DMD: variants seen among roughly 807,000 people sequenced by gnomAD.
DMD encodes the protein dystrophin, also known as mutant dystrophin.
Under a neutral mutation model 330.1 loss-of-function variants are expected in DMD, and 63 were observed. The ratio of observed to expected loss-of-function variants is 0.19; its 90% CI spans 0.16 to 0.24. DMD has a LOEUF of 0.24. Among genes scored for constraint, DMD ranks in the 10% least tolerant of loss-of-function variants. The pLI is 1.00. For synonymous variants in DMD, 1,223 were observed against 959.8 expected (o/e 1.27, Z -5.07); for missense variants, 3,344 against 2,684.1 (o/e 1.25, Z -5.43).
At chrX:32,146,059 G>A in intron 44 of DMD, among the ~76,000 whole-genome samples, 1 of 111,316 alleles carries the variant, frequency 9.0e-6, no homozygotes, top group East Asian at 2.8e-4. Flanking sequence ...AGTTTTATAG[G>A]GCTGCCATGT....
rs748896165 is a variant in DMD, at chrX:32,860,013, C to T, written c.94-10193G>A. 3.6e-5 allele frequency among the ~76,000 whole-genome samples: 4 copies of T among 111,550 alleles called. No individual in the cohort carries two copies. The South Asian group carries it at 1.5e-3, about 42-fold the overall frequency. ...GATATTACTCAGTTTAATGTATCTG[C>T]ATATATATTGTCTTTGTTAACCCAA... On this transcript the variant is annotated intron_variant, in intron 2 of 78. Transcript: ENST00000357033.
chrX:32,548,423 TATA>T (rs754773957), intron 16 of DMD, among the ~76,000 whole-genome samples: 49 of 112,159 alleles, frequency 4.4e-4, no homozygotes, highest in African/African-American at 1.5e-3. Context: ...GAAGGCTAGA[TATA>T]ATATTTATCC....
chrX:32,287,697 A>G lies in DMD; in HGVS notation c.6122T>C (p.Ile2041Thr), dbSNP rs749441036. 25 of 1,171,064 alleles carry G rather than the reference A, an allele frequency of 2.1e-5. No homozygotes were observed. The East Asian group carries it at 7.7e-4, about 36-fold the overall frequency. ...TGAGCTTTGTTGTAGACTATCTTTT[A>G]TATTCTGTAATATAAAAATTTTAAA... The part of the protein sequence containing the change: ...LFKQEESLKN[I>T]KDSLQQSSGR... The change falls in exon 43 of 79, where the codon ATA becomes ACA. Residue 2041 changes from isoleucine (I) to threonine (T), a missense_variant. Transcript: ENST00000357033.
chrX:33,238,625 A>G (rs1024266726), intron 1 of DMD, among the ~76,000 whole-genome samples: 7 of 111,685 alleles, frequency 6.3e-5, no homozygotes, highest in African/African-American at 2.0e-4. Flanking sequence ...TGAATAAACC[A>G]TTAACACAGT....
At chrX:32,784,428 G>A (rs1041367896) in intron 7 of DMD, among the ~76,000 whole-genome samples, 24 of 111,822 alleles carry the variant, frequency 2.1e-4, no homozygotes, top group Middle Eastern at 4.2e-3. Flanking sequence ...AATGACTTTT[G>A]CTTATGTTAG....
At chrX:31,804,374 T>C (rs2092215502) in intron 50 of DMD, among the ~76,000 whole-genome samples, 1 of 111,696 alleles carries the variant, frequency 9.0e-6, no homozygotes, top group South Asian at 3.7e-4. Flanking sequence ...CTGTCTACTT[T>C]GTCTCCATTC....
At chrX:32,440,178 T>C (rs1233590416) in intron 28 of DMD, among the ~76,000 whole-genome samples, 1 of 111,794 alleles carries the variant, frequency 8.9e-6, no homozygotes, top group Non-Finnish European at 1.9e-5. Flanking sequence ...CTGCAACTTT[T>C]CTAGAACATG....
intron 9 of DMD, among the ~76,000 whole-genome samples, chrX:32,690,225 A>G (rs1354805822): frequency 9.0e-6 from 1 of 111,556 alleles, no homozygotes; most frequent in Middle Eastern, 4.3e-3. Flanking sequence ...AAATCATCAT[A>G]CAAAAATTAG....
chrX:31,971,193 C>T (rs2095396013), intron 44 of DMD, among the ~76,000 whole-genome samples: 1 of 111,683 alleles, frequency 9.0e-6, no homozygotes, highest in Non-Finnish European at 1.9e-5. Flanking sequence ...GGAGTAAATG[C>T]CTTTTGAGTC....
chrX:32,398,835 T>G, intron 30 of DMD, among the ~76,000 whole-genome samples: 1 of 111,679 alleles, frequency 9.0e-6, no homozygotes, highest in Non-Finnish European at 1.9e-5. Context: ...TACCTAACTT[T>G]AAATTATACT....
chrX:31,811,885 T>C (rs1336419047), intron 50 of DMD, among the ~76,000 whole-genome samples: 2 of 111,402 alleles, frequency 1.8e-5, no homozygotes, highest in Admixed American at 1.9e-4. Context: ...CCTGCCATGT[T>C]TCTATTAATG....
chrX:32,443,236 A>G (rs760167388), intron 27 of DMD, among the ~76,000 whole-genome samples: 1 of 111,150 alleles, frequency 9.0e-6, no homozygotes, highest in East Asian at 2.8e-4. Flanking sequence ...AGATTTCCCA[A>G]AGTTCTCTAT....
chrX:32,368,651 T>C (rs1348895177), intron 34 of DMD, among the ~76,000 whole-genome samples: 1 of 111,715 alleles, frequency 9.0e-6, no homozygotes, highest in Non-Finnish European at 1.9e-5. Context: ...ATTGTCTTTA[T>C]ACCTGTACTC....
At chrX:31,421,186 C>T (rs1006170937) in intron 60 of DMD, among the ~76,000 whole-genome samples, 5 of 111,915 alleles carry the variant, frequency 4.5e-5, no homozygotes, top group Non-Finnish European at 9.4e-5. Context: ...TTGCCTTTCA[C>T]GTCCCCTCCC....
intron 1 of DMD, among the ~76,000 whole-genome samples, chrX:33,054,543 T>C (rs190402081): frequency 3.6e-5 from 4 of 112,491 alleles, no homozygotes; most frequent in African/African-American, 9.7e-5. Context: ...AAAATACTGA[T>C]TAATTAGTGT....
chrX:31,647,332 C>T (rs7889141), intron 54 of DMD, among the ~76,000 whole-genome samples: 8,499 of 111,253 alleles, frequency 0.076, 800 homozygotes, highest in African/African-American at 0.26. Context: ...ACAACAGTTC[C>T]GTTTAAGCAG....
At chrX:32,159,549 C>T (rs2096841682) in intron 44 of DMD, among the ~76,000 whole-genome samples, 1 of 111,753 alleles carries the variant, frequency 8.9e-6, no homozygotes, top group East Asian at 2.8e-4. Context: ...GTCCTCAATG[C>T]TTCATTAACA....
intron 60 of DMD, among the ~76,000 whole-genome samples, chrX:31,368,703 T>G (rs1323878058): frequency 1.8e-5 from 2 of 109,507 alleles, no homozygotes; most frequent in South Asian, 4.0e-4. Flanking sequence ...TGGAGTGCAG[T>G]GGTGCAATCT....
At chrX:32,754,015 G>A (rs780727761) in intron 7 of DMD, among the ~76,000 whole-genome samples, 1 of 110,764 alleles carries the variant, frequency 9.0e-6, no homozygotes, top group African/African-American at 3.3e-5. Context: ...ACCCAGATTT[G>A]TGCCATCTGC....
Sources: allele counts gnomAD v4.1 joint callset (sites outside exome capture counted in the v4.1 genomes callset), GRCh38; gene constraint gnomAD v4.1.1; transcripts MANE v1.5; gene names NCBI Gene and HGNC (gene_info 2026-07-23, HGNC 2026-07-21).